The following ZNF184 variants were observed in gnomAD, a reference collection of about 807,000 sequenced individuals.
The protein encoded by ZNF184 is zinc finger protein 184.
In ZNF184, 16 loss-of-function variants were observed where a neutral mutation model predicts 54.4. That is an observed-to-expected ratio of 0.29 (90% CI 0.20 to 0.45). The LOEUF (loss-of-function observed/expected upper bound fraction) is 0.45. Among genes scored for constraint, ZNF184 ranks in the 20% least tolerant of loss-of-function variants. ZNF184 has a pLI of 1.00. For missense variants in ZNF184, 681 were observed against 888.2 expected (o/e 0.77, Z 2.97); for synonymous variants, 254 against 295.3 (o/e 0.86, Z 1.43).
At chr6:27,442,090 CT>C in the ZNF184 span, among the ~76,000 whole-genome samples, 2 of 152,108 alleles carry the variant, frequency 1.3e-5, no homozygotes, top group African/African-American at 4.8e-5. Context: ...TTCTTTAAGC[CT>C]CCTAATTAAT....
chr6:27,426,878 C>A, the ZNF184 span, among the ~76,000 whole-genome samples: 1 of 152,076 alleles, frequency 6.6e-6, no homozygotes, highest in South Asian at 2.1e-4. The surrounding 1 kb of genome is among the most constrained non-coding windows in gnomAD (Gnocchi z 4.2). Context: ...TTTCACCAGT[C>A]AGATAGGCAA....
downstream of ZNF184, among the ~76,000 whole-genome samples, chr6:27,449,877 A>G (rs1483251544): frequency 6.6e-6 from 1 of 152,108 alleles, no homozygotes; most frequent in African/African-American, 2.4e-5. Context: ...TACAATCAAG[A>G]AAAAAAAGAC....
the ZNF184 span, among the ~76,000 whole-genome samples, chr6:27,424,463 G>C: frequency 2.6e-5 from 4 of 152,140 alleles, no homozygotes; most frequent in Non-Finnish European, 4.4e-5. Context: ...GGTCTGTTTT[G>C]ACAGGGCGCT....
the ZNF184 span, among the ~76,000 whole-genome samples, chr6:27,430,568 G>A: frequency 6.6e-6 from 1 of 152,100 alleles, no homozygotes; most frequent in Non-Finnish European, 1.5e-5. Context: ...GGCAGAGATT[G>A]GAGTGATGCA....
chr6:27,448,400 T>A (rs1762661455), downstream of ZNF184, among the ~76,000 whole-genome samples: 1 of 152,208 alleles, frequency 6.6e-6, no homozygotes, highest in Non-Finnish European at 1.5e-5. Flanking sequence ...TTCCTGCCTG[T>A]ACTCTTAACG....
At chr6:27,447,715 A>G (rs941742937), downstream of ZNF184, among the ~76,000 whole-genome samples, 1 of 152,194 alleles carries the variant, frequency 6.6e-6, no homozygotes, top group Non-Finnish European at 1.5e-5. Flanking sequence ...CTCTGTCTCA[A>G]AAAAACAAAC....
At chr6:27,443,494 T>C in the ZNF184 span, among the ~76,000 whole-genome samples, 1 of 152,190 alleles carries the variant, frequency 6.6e-6, no homozygotes. Flanking sequence ...ATCAATCCAT[T>C]CAATATCTCA....
At chr6:27,420,572 A>T in the ZNF184 span, among the ~76,000 whole-genome samples, 1 of 152,168 alleles carries the variant, frequency 6.6e-6, no homozygotes, top group Non-Finnish European at 1.5e-5. Context: ...CCTCAGGGGA[A>T]TATAAATTAA....
chr6:27,429,904 G>C, the ZNF184 span, among the ~76,000 whole-genome samples: 2 of 152,198 alleles, frequency 1.3e-5, no homozygotes, highest in African/African-American at 4.8e-5. Context: ...GTGGCACAGA[G>C]CCTTCATAAG....
At chr6:27,471,708 G>T (rs891384716) in intron 2 of ZNF184, among the ~76,000 whole-genome samples, 1 of 152,226 alleles carries the variant, frequency 6.6e-6, no homozygotes, top group Non-Finnish European at 1.5e-5. Context: ...TGTAACAGCT[G>T]AATTCACATA....
chr6:27,436,591 G>A, the ZNF184 span, among the ~76,000 whole-genome samples: 1 of 152,268 alleles, frequency 6.6e-6, no homozygotes, highest in African/African-American at 2.4e-5. Flanking sequence ...ACTTTCAGTT[G>A]TTAAACCATT....
chr6:27,420,199 G>A, the ZNF184 span, among the ~76,000 whole-genome samples: 2 of 152,148 alleles, frequency 1.3e-5, no homozygotes, highest in Admixed American at 6.5e-5. Flanking sequence ...TGCTTCTATG[G>A]ATTATAATAT....
At chr6:27,454,103 T>C (rs1762798235) in intron 5 of ZNF184, among the ~76,000 whole-genome samples, 1 of 152,006 alleles carries the variant, frequency 6.6e-6, no homozygotes, top group Admixed American at 6.6e-5. Context: ...AAGTACATAA[T>C]CAGGAAGTAA....
rs1762791925 is a variant in ZNF184, at chr6:27,453,812, G to T, written c.299-552C>A. Among the ~76,000 whole-genome samples the T allele has an allele frequency of 1.3e-5, 2 of 152,176 alleles. No individual in the cohort carries two copies. The highest frequency in any genetic ancestry group is 1.3e-4 in the Admixed American group (2 of 15,274). On this transcript the variant is annotated intron_variant, in intron 5 of 5. Transcript: ENST00000683788. The surrounding 1 kb of genome is among the most constrained non-coding windows in gnomAD (Gnocchi z 4.7). ...ACAAGTTCAAGTCTAGGCATTTTGA[G>T]AATTAAGAAAAGAAATGGAGAGCTG...
chr6:27,452,650 T>C lies in ZNF184; in HGVS notation c.909A>G (p.Glu303=). ...CACATTCATCACATTTATATGGTTT[T>C]TCTCCAGTATGAATTCTTTGATGTT... ...LTQHQRIHTG[E]KPYKCDECGK... is the part of the protein sequence containing the mutation. Residue 303 remains glutamate, a synonymous_variant, in exon 6 of 6, where the codon GAA becomes GAG. Coordinates refer to ENST00000683788, the MANE Select transcript of ZNF184 (RefSeq NM_001318891.2). This position sits in a 1 kb window ranked among gnomAD's most constrained non-coding sequence, Gnocchi z 5.5. 1 of 1,613,846 alleles carries C rather than the reference T, an allele frequency of 6.2e-7. No homozygotes were observed. Among genetic ancestry groups the C allele is most frequent in the East Asian group, 2.2e-5 (1 of 44,864 alleles).
the ZNF184 span, among the ~76,000 whole-genome samples, chr6:27,442,887 A>AGAAAG: frequency 7.3e-6 from 1 of 137,558 alleles, no homozygotes; most frequent in Admixed American, 7.3e-5. Context: ...AGAAAAAGAA[A>AGAAAG]AAAAGAAAGA....
chr6:27,470,202 G>A (rs1763240090), intron 2 of ZNF184, among the ~76,000 whole-genome samples: 1 of 152,004 alleles, frequency 6.6e-6, no homozygotes, highest in Non-Finnish European at 1.5e-5. Flanking sequence ...ACTAAGAGAT[G>A]GATTATTGTA....
the ZNF184 span, among the ~76,000 whole-genome samples, chr6:27,435,767 G>A: frequency 6.6e-6 from 1 of 152,120 alleles, no homozygotes; most frequent in Admixed American, 6.5e-5. Context: ...AGAGAAATCT[G>A]TTTCAATAAT....
chr6:27,425,543 GTATT>G, the ZNF184 span, among the ~76,000 whole-genome samples: 1 of 152,242 alleles, frequency 6.6e-6, no homozygotes, highest in Admixed American at 6.5e-5. Flanking sequence ...GATTGGCAAA[GTATT>G]TATCATTGTT....
Sources: allele counts gnomAD v4.1 joint callset (sites outside exome capture counted in the v4.1 genomes callset), GRCh38; gene constraint gnomAD v4.1.1; non-coding constraint Gnocchi (gnomAD v3.1); transcripts MANE v1.5; gene names NCBI Gene and HGNC (gene_info 2026-07-23, HGNC 2026-07-21).